Variants in DIP2B observed in about 807,000 individuals in gnomAD.
DIP2B encodes the protein disco-interacting protein 2 homolog B.
Under a neutral mutation model 198.0 loss-of-function variants are expected in DIP2B, and 76 were observed. The observed-to-expected ratio is 0.38, with a 90% CI of 0.32 to 0.46. The LOEUF (loss-of-function observed/expected upper bound fraction) is 0.46, where lower values mean the gene tolerates loss of function less well. Among genes scored for constraint, DIP2B ranks in the 20% least tolerant of loss-of-function variants. DIP2B has a pLI of 0.99. For synonymous variants in DIP2B, 701 were observed against 739.1 expected (o/e 0.95, Z 0.84); for missense variants, 1,559 against 1,978.4 (o/e 0.79, Z 4.02).
At chr12:50,736,721 A>C (rs1940144741) in intron 34 of DIP2B, among the ~76,000 whole-genome samples, 1 of 152,224 alleles carries the variant, frequency 6.6e-6, no homozygotes, top group African/African-American at 2.4e-5. Flanking sequence ...GGGAAAGGTT[A>C]TTCTACAAAT....
intron 33 of DIP2B, 96 bp downstream of exon 33, chr12:50,734,292 A>G (rs1940099751): frequency 6.3e-6 from 8 of 1,277,080 alleles, no homozygotes; most frequent in Non-Finnish European, 9.0e-6. Context: ...CCTTTTGTTC[A>G]TATATTCCAG....
At chr12:50,634,257 G>A (rs149231037) in intron 2 of DIP2B, among the ~76,000 whole-genome samples, 2 of 152,264 alleles carry the variant, frequency 1.3e-5, no homozygotes, top group African/African-American at 2.4e-5. Flanking sequence ...CAGACCACAC[G>A]CATTCTAACT....
At chr12:50,666,445 G>A (rs1280507623) in intron 4 of DIP2B, among the ~76,000 whole-genome samples, 3 of 152,152 alleles carry the variant, frequency 2.0e-5, no homozygotes, top group Non-Finnish European at 4.4e-5. Flanking sequence ...AAAGATAGGG[G>A]AAAGAAAATG....
Position 50,718,952 on chromosome 12 carries a change from C to G in DIP2B, c.2962-3C>G. On this transcript the variant is annotated splice_polypyrimidine_tract_variant and splice_region_variant and intron_variant, in intron 24 of 37. Coordinates refer to ENST00000301180, the MANE Select transcript of DIP2B (RefSeq NM_173602.3). ...GAGTCCTTTTTCTGGTTTATGACTT[C>G]AGCACCAGTTTCTGGCAGAGATCCT... The G allele has an allele frequency of 6.2e-7, 1 of 1,614,164 alleles. No homozygotes were observed. The highest frequency in any genetic ancestry group is 8.5e-7 in the Non-Finnish European group (1 of 1,180,016).
At chr12:50,703,172 A>T (rs1303251603) in intron 19 of DIP2B, among the ~76,000 whole-genome samples, 6 of 151,022 alleles carry the variant, frequency 4.0e-5, no homozygotes. Context: ...GCAGTGAATT[A>T]TGATTGCACC....
intron 1 of DIP2B, among the ~76,000 whole-genome samples, chr12:50,531,327 T>C (rs7967775): frequency 1 from 152,286 of 152,292 alleles, 76,140 homozygotes; most frequent in Non-Finnish European, 1. Flanking sequence ...GGATTATAGG[T>C]GTGAGCCGCT....
At chr12:50,680,635 T>C in intron 8 of DIP2B, 37 bp from the exon 9 acceptor site, 4 of 1,587,704 alleles carry the variant, frequency 2.5e-6, no homozygotes, top group Non-Finnish European at 3.4e-6. Flanking sequence ...TGTTTTTTTT[T>C]CTATATGACT....
Position 50,739,481 on chromosome 12 carries a change from C to T in DIP2B, c.4249C>T (p.His1417Tyr). ...IYDSETLQADHFNTRLSFGDA... is the reference protein window; with the variant it reads ...IYDSETLQADYFNTRLSFGDA... The stretch of plus-strand genomic sequence containing the variant: ...TGATAGCGAGACTCTTCAAGCTGAT[C>T]ATTTCAACACTCGCCTCAGCTTTGG... Residue 1417 changes from histidine (H) to tyrosine (Y), a missense_variant, in exon 36 of 38, where the codon CAT becomes TAT. His to Tyr is a moderately conservative substitution (Grantham distance 83). Coordinates refer to ENST00000301180, the MANE Select transcript of DIP2B (RefSeq NM_173602.3). 1 of 1,614,200 alleles carries T rather than the reference C, an allele frequency of 6.2e-7. No homozygotes were observed. The highest frequency in any genetic ancestry group is 8.5e-7 in the Non-Finnish European group (1 of 1,180,026).
chr12:50,599,616 AAAAAAAC>A (rs528043793), intron 1 of DIP2B, among the ~76,000 whole-genome samples: 24 of 151,750 alleles, frequency 1.6e-4, no homozygotes, highest in African/African-American at 5.8e-4. Flanking sequence ...ACTCAGTCTC[AAAAAAAC>A]AAAAAACAAA....
At chr12:50,528,371 C>T (rs1448443181) in intron 1 of DIP2B, among the ~76,000 whole-genome samples, 3 of 149,876 alleles carry the variant, frequency 2.0e-5, no homozygotes, top group African/African-American at 7.4e-5. Context: ...GAGGCTGAGG[C>T]GGCAGGATTT....
chr12:50,509,985 A>C (rs559844413), intron 1 of DIP2B, among the ~76,000 whole-genome samples: 1 of 152,218 alleles, frequency 6.6e-6, no homozygotes, highest in Non-Finnish European at 1.5e-5. Context: ...TTTGGTGGGC[A>C]GGAGCTCATC....
Position 50,582,214 on chromosome 12 carries a change from C to T in DIP2B, c.101-43762C>T, listed in dbSNP as rs535483966. 1.3e-4 allele frequency among the ~76,000 whole-genome samples: 17 copies of T among 128,842 alleles called. No homozygotes were observed. The East Asian group carries it at 3.2e-3, about 24-fold the overall frequency. 84.5% of individuals were successfully genotyped at this position (128,842 alleles called of 152,430 possible). A position where few individuals can be genotyped will look rare whatever the true frequency, so the allele number is the denominator to read the frequency against. ...TTGTCCAGGCTGGGGTTCAATGGTGCGATCTCAGCTCACTGCAGCCTCCGC... is the reference window on the plus strand; with the variant it reads ...TTGTCCAGGCTGGGGTTCAATGGTGTGATCTCAGCTCACTGCAGCCTCCGC... On this transcript the variant is annotated intron_variant, in intron 1 of 37. Transcript: ENST00000301180.
At chr12:50,582,397 G>A (rs759340803) in intron 1 of DIP2B, among the ~76,000 whole-genome samples, 1 of 151,864 alleles carries the variant, frequency 6.6e-6, no homozygotes, top group South Asian at 2.1e-4. Context: ...CGATTTGCCC[G>A]CCTTGGCCTC....
At chr12:50,617,304 C>T (rs972771989) in intron 1 of DIP2B, among the ~76,000 whole-genome samples, 4 of 151,484 alleles carry the variant, frequency 2.6e-5, no homozygotes, top group Non-Finnish European at 4.4e-5. Flanking sequence ...TACAGGCGCC[C>T]GCTACTACAC....
intron 1 of DIP2B, among the ~76,000 whole-genome samples, chr12:50,597,813 A>C (rs1254322438): frequency 6.6e-6 from 1 of 152,254 alleles, no homozygotes; most frequent in Non-Finnish European, 1.5e-5. Context: ...GTCTTTGTGC[A>C]CATAAAGTAT....
intron 20 of DIP2B, among the ~76,000 whole-genome samples, chr12:50,704,537 CAT>C (rs1939479667): frequency 6.6e-6 from 1 of 152,184 alleles, no homozygotes; most frequent in South Asian, 2.1e-4. Flanking sequence ...ATTTGATTAA[CAT>C]GTTGCAATAA....
At chr12:50,558,286 G>A (rs904233565) in intron 1 of DIP2B, among the ~76,000 whole-genome samples, 2 of 152,218 alleles carry the variant, frequency 1.3e-5, no homozygotes, top group Non-Finnish European at 2.9e-5. Flanking sequence ...GTTTTGATCA[G>A]TCTCCTGTAC....
intron 2 of DIP2B, among the ~76,000 whole-genome samples, chr12:50,634,336 G>A (rs1264461617): frequency 1.3e-5 from 2 of 152,164 alleles, no homozygotes; most frequent in African/African-American, 2.4e-5. Context: ...GTGTAGAAAG[G>A]CAATTTCCCT....
chr12:50,628,430 T>C (rs1484058232), intron 2 of DIP2B, among the ~76,000 whole-genome samples: 1 of 152,126 alleles, frequency 6.6e-6, no homozygotes, highest in African/African-American at 2.4e-5. Context: ...GACAAAAAAT[T>C]GGTCTGCTTT....
Sources: allele counts gnomAD v4.1 joint callset (sites outside exome capture counted in the v4.1 genomes callset), GRCh38; gene constraint gnomAD v4.1.1; transcripts MANE v1.5; gene names NCBI Gene and HGNC (gene_info 2026-07-23, HGNC 2026-07-21).